The following ANXA10 variants were observed in gnomAD, a reference collection of about 807,000 sequenced individuals.
ANXA10 encodes annexin A10.
In ANXA10, 49 loss-of-function variants were observed where a neutral mutation model predicts 53.5. The observed-to-expected ratio is 0.92, with a 90% CI of 0.73 to 1.16. The LOEUF is 1.16. Ranked by LOEUF, ANXA10 falls within the 50% of genes most tolerant of loss-of-function variation. ANXA10 has a pLI of 0.00. For missense variants in ANXA10, 393 were observed against 394.4 expected (o/e 1.00, Z 0.03); for synonymous variants, 131 against 128.9 (o/e 1.02, Z -0.11).
chr4:168,153,658 ATATAT>A (rs1414210146), intron 3 of ANXA10, among the ~76,000 whole-genome samples: 1 of 152,084 alleles, frequency 6.6e-6, no homozygotes, highest in East Asian at 1.9e-4. Flanking sequence ...TTGGAAAGAC[ATATAT>A]TGAATGCCTA....
At chr4:168,103,039 T>C (rs1481564434) in intron 1 of ANXA10, among the ~76,000 whole-genome samples, 2 of 152,084 alleles carry the variant, frequency 1.3e-5, no homozygotes, top group African/African-American at 4.8e-5. Flanking sequence ...TCTTTGTTTA[T>C]TTATATTGTC....
intron 1 of ANXA10, among the ~76,000 whole-genome samples, chr4:168,105,074 G>C (rs1730698172): frequency 6.6e-6 from 1 of 151,590 alleles, no homozygotes; most frequent in African/African-American, 2.4e-5. Context: ...GGTCCATGTG[G>C]TCTTGAAAGC....
In ANXA10 at chr4:168,184,571, C is replaced by T; in HGVS notation, c.796C>T (p.His266Tyr). 1 of 1,613,750 alleles carries T rather than the reference C, an allele frequency of 6.2e-7. No homozygotes were observed. The highest frequency in any genetic ancestry group is 8.5e-7 in the Non-Finnish European group (1 of 1,179,830). ...LYSAIHDFGF[H>Y]NKTVIRILIA... ...CTGTATCTTTTAGGACTTTGGTTTC[C>T]ATAATAAAACTGTAATCAGGATTCT... Residue 266 changes from histidine (H) to tyrosine (Y), a missense_variant, in exon 11 of 12, where the codon CAT becomes TAT. Transcript: ENST00000359299.
chr4:168,100,396 T>C (rs1025561613), intron 1 of ANXA10, among the ~76,000 whole-genome samples: 5 of 152,146 alleles, frequency 3.3e-5, no homozygotes, highest in African/African-American at 4.8e-5. Context: ...ACTATGACAA[T>C]GTGTGAGGCA....
intron 1 of ANXA10, among the ~76,000 whole-genome samples, chr4:168,121,546 A>G (rs1730985265): frequency 6.6e-6 from 1 of 152,188 alleles, no homozygotes. Flanking sequence ...TAGTTTAATT[A>G]TCATTTAATA....
chr4:168,164,362 T>C (rs1248553282), intron 5 of ANXA10, 74 bp downstream of exon 5: 2 of 1,133,812 alleles, frequency 1.8e-6, no homozygotes, highest in Non-Finnish European at 2.5e-6. Flanking sequence ...TTCCAGTTTA[T>C]GTATTTTGAA....
At chr4:168,183,507 T>C (rs1732301835) in intron 10 of ANXA10, among the ~76,000 whole-genome samples, 1 of 152,234 alleles carries the variant, frequency 6.6e-6, no homozygotes, top group Admixed American at 6.5e-5. Flanking sequence ...TACAATTACC[T>C]TGATTCCAAT....
At chr4:168,156,324 T>A (rs1560784717) in intron 3 of ANXA10, among the ~76,000 whole-genome samples, 5 of 86,852 alleles carry the variant, frequency 5.8e-5, no homozygotes, top group African/African-American at 2.1e-4. Context: ...ATATAATATA[T>A]AATATATTAT....
intron 3 of ANXA10, among the ~76,000 whole-genome samples, chr4:168,155,299 C>A (rs576488212): frequency 3.1e-5 from 4 of 128,274 alleles, no homozygotes; most frequent in Admixed American, 9.7e-5. Context: ...CTCTTGTTGG[C>A]CCTTAGTAAT....
chr4:168,160,891 C>T (rs569769135), intron 3 of ANXA10, among the ~76,000 whole-genome samples: 2 of 152,238 alleles, frequency 1.3e-5, no homozygotes, highest in South Asian at 4.2e-4. Context: ...ATTTTTCCCA[C>T]TTTTTAATGG....
intron 11 of ANXA10, among the ~76,000 whole-genome samples, chr4:168,186,880 G>A (rs1732380265): frequency 6.6e-6 from 1 of 151,744 alleles, no homozygotes; most frequent in Non-Finnish European, 1.5e-5. Context: ...TAATATTATG[G>A]TGTATATATT....
At chr4:168,187,301 A>G in intron 11 of ANXA10, 65 bp from the exon 12 acceptor site, 1 of 1,107,198 alleles carries the variant, frequency 9.0e-7, no homozygotes, top group Non-Finnish European at 1.3e-6. Context: ...GTCCAGAGGA[A>G]TTATGCTTCC....
chr4:168,135,106 A>C (rs755325177), intron 2 of ANXA10, among the ~76,000 whole-genome samples: 3 of 152,232 alleles, frequency 2.0e-5, no homozygotes, highest in Non-Finnish European at 2.9e-5. Context: ...TATTGCAAGA[A>C]GGGAGAGAGA....
chr4:168,174,085 C>G (rs544846653), intron 6 of ANXA10, among the ~76,000 whole-genome samples: 7 of 152,186 alleles, frequency 4.6e-5, no homozygotes, highest in Non-Finnish European at 8.8e-5. Context: ...AAACCCTTCA[C>G]CTTGCTCACC....
chr4:168,153,259 G>C (rs934490824), intron 3 of ANXA10, among the ~76,000 whole-genome samples: 10 of 152,024 alleles, frequency 6.6e-5, no homozygotes, highest in Non-Finnish European at 1.5e-4. Context: ...AGAATCCATT[G>C]ACAATCGGAT....
At chr4:168,096,660 A>AT (rs1002563300) in intron 1 of ANXA10, among the ~76,000 whole-genome samples, 3 of 151,394 alleles carry the variant, frequency 2.0e-5, no homozygotes, top group African/African-American at 7.3e-5. Flanking sequence ...CTGCACCTCA[A>AT]TTTTTTTTAA....
intron 9 of ANXA10, among the ~76,000 whole-genome samples, chr4:168,181,405 A>G (rs1578940375): frequency 2.0e-5 from 3 of 151,970 alleles, no homozygotes; most frequent in East Asian, 1.9e-4. Context: ...AAAAAAAAAA[A>G]AAGAAGATGA....
intron 1 of ANXA10, among the ~76,000 whole-genome samples, chr4:168,118,965 TTTGA>T (rs1354056774): frequency 1.3e-5 from 2 of 152,164 alleles, no homozygotes; most frequent in Non-Finnish European, 2.9e-5. Flanking sequence ...TGCACAAATA[TTTGA>T]TTATTTAATC....
intron 3 of ANXA10, among the ~76,000 whole-genome samples, chr4:168,156,304 A>G (rs1394244618): frequency 3.7e-5 from 2 of 54,396 alleles, no homozygotes; most frequent in Non-Finnish European, 3.4e-5. Flanking sequence ...TATATTATAT[A>G]TAATAGTATA....
Sources: gnomAD v4.1 joint callset for allele counts (sites outside exome capture counted in the v4.1 genomes callset) on GRCh38, gnomAD v4.1.1 for gene constraint, MANE v1.5 for transcripts, NCBI Gene and HGNC (gene_info 2026-07-23, HGNC 2026-07-21) for gene names.